The following COL24A1 variants were observed in gnomAD, a reference collection of about 807,000 sequenced individuals.
COL24A1 encodes collagen alpha-1(XXIV) chain.
Under a neutral mutation model 253.9 loss-of-function variants are expected in COL24A1, and 224 were observed. That is an observed-to-expected ratio of 0.88 (90% CI 0.79 to 0.99). COL24A1 has a LOEUF of 0.99. COL24A1 is among the 50% of genes least tolerant of loss of function. COL24A1 has a pLI of 0.00. For synonymous variants in COL24A1, 685 were observed against 673.7 expected (o/e 1.02, Z -0.26); for missense variants, 2,131 against 2,068.5 (o/e 1.03, Z -0.59).
At chr1:85,981,707 T>A (rs993785203) in intron 20 of COL24A1, among the ~76,000 whole-genome samples, 2 of 152,096 alleles carry the variant, frequency 1.3e-5, no homozygotes, top group African/African-American at 4.8e-5. Context: ...GAGTGAAAAG[T>A]CAACCTACGT....
intron 2 of COL24A1, among the ~76,000 whole-genome samples, chr1:86,131,144 A>T (rs1649107312): frequency 6.6e-6 from 1 of 151,950 alleles, no homozygotes; most frequent in South Asian, 2.1e-4. Context: ...TTCTCCTTAC[A>T]AGTGACTCCG....
intron 24 of COL24A1, 52 bp from the exon 25 acceptor site, chr1:85,911,485 T>C (rs995742022): frequency 2.9e-6 from 4 of 1,382,878 alleles, no homozygotes; most frequent in African/African-American, 2.9e-5. Context: ...ATTGCTATTG[T>C]AGTGCCTGGG....
At chr1:86,019,673 G>A (rs934555910) in intron 18 of COL24A1, among the ~76,000 whole-genome samples, 25 of 151,358 alleles carry the variant, frequency 1.7e-4, no homozygotes, top group African/African-American at 3.6e-4. Context: ...TCTTATCTTC[G>A]GCCCAAAGTA....
At chr1:85,940,122 G>GATATATTC (rs1571301581) in intron 24 of COL24A1, among the ~76,000 whole-genome samples, 1 of 88,150 alleles carries the variant, frequency 1.1e-5, no homozygotes, top group African/African-American at 3.6e-5. Context: ...AGTGCCATAA[G>GATATATTC]GGCCGGGCGC....
At chr1:86,027,517 T>G (rs2101444719) in intron 14 of COL24A1, among the ~76,000 whole-genome samples, 1 of 152,302 alleles carries the variant, frequency 6.6e-6, no homozygotes, top group East Asian at 1.9e-4. Flanking sequence ...CCCCAAGCCT[T>G]GGCTACTTAC....
rs116732808 is a variant in COL24A1, at chr1:86,135,805, C to T, written c.122-9591G>A. On this transcript the variant is annotated intron_variant, in intron 2 of 59. Transcript: ENST00000370571. ...AGAATATTTGTCAGTTTAACAGCAA[C>T]ATTTTTTTGTGTGTACATTCTCATT... Among the ~76,000 whole-genome samples, 614 of 148,016 alleles carry T rather than the reference C, an allele frequency of 4.1e-3. 6 individuals are homozygous for T. The highest frequency in any genetic ancestry group is 0.014 in the African/African-American group (567 of 40,572).
chr1:85,865,802 A>G (rs1679725476), intron 37 of COL24A1, among the ~76,000 whole-genome samples: 1 of 152,026 alleles, frequency 6.6e-6, no homozygotes, highest in African/African-American at 2.4e-5. Flanking sequence ...AGATAATCAC[A>G]CTTTCTTGGC....
intron 37 of COL24A1, among the ~76,000 whole-genome samples, chr1:85,851,007 A>G (rs1677706239): frequency 7.5e-6 from 1 of 133,164 alleles, no homozygotes; most frequent in Admixed American, 7.6e-5. Context: ...GTGTGTATAT[A>G]TATATATATA....
At chr1:85,947,659 T>C (rs1689459167) in intron 24 of COL24A1, among the ~76,000 whole-genome samples, 2 of 152,124 alleles carry the variant, frequency 1.3e-5, no homozygotes, top group African/African-American at 2.4e-5. Flanking sequence ...AAAAAATCAG[T>C]GTAACTGATT....
intron 55 of COL24A1, among the ~76,000 whole-genome samples, chr1:85,756,184 C>A (rs1666238894): frequency 6.6e-6 from 1 of 151,874 alleles, no homozygotes; most frequent in East Asian, 1.9e-4. Context: ...CTTTGGGAGG[C>A]CGAGGTAGGC....
At chr1:86,099,559 A>C (rs1156306851) in intron 5 of COL24A1, among the ~76,000 whole-genome samples, 1 of 152,216 alleles carries the variant, frequency 6.6e-6, no homozygotes, top group African/African-American at 2.4e-5. Context: ...AGCAGATAGG[A>C]GGTCCCATAA....
intron 4 of COL24A1, 82 bp downstream of exon 4, chr1:86,115,243 A>G (rs1706025212): frequency 7.1e-7 from 1 of 1,400,780 alleles, no homozygotes. Context: ...CAAAGGAAGT[A>G]CATACTGTAC....
intron 24 of COL24A1, among the ~76,000 whole-genome samples, chr1:85,920,615 G>A (rs1449899712): frequency 6.6e-6 from 1 of 152,054 alleles, no homozygotes; most frequent in East Asian, 1.9e-4. Flanking sequence ...TGTTTAATGT[G>A]TAGAAATGGG....
chr1:85,925,700 G>C (rs1401621971), intron 24 of COL24A1, among the ~76,000 whole-genome samples: 1 of 152,080 alleles, frequency 6.6e-6, no homozygotes. Context: ...CTAAATGTTA[G>C]ACTTAAAACC....
chr1:86,072,500 T>C (rs1051306975), intron 7 of COL24A1, among the ~76,000 whole-genome samples: 2 of 152,054 alleles, frequency 1.3e-5, no homozygotes, highest in African/African-American at 4.8e-5. Context: ...GTCAGGGACT[T>C]ATAGATAAAA....
intron 43 of COL24A1, among the ~76,000 whole-genome samples, chr1:85,830,798 A>C (rs1675151138): frequency 6.6e-6 from 1 of 152,034 alleles, no homozygotes; most frequent in South Asian, 2.1e-4. Context: ...CAGTGCGTGC[A>C]CCCACTGACC....
At position 85,949,634 on chromosome 1, in the gene COL24A1, C is replaced by G. The variant is rs12091161; in HGVS notation, c.2562+11615G>C. On this transcript the variant is annotated intron_variant, in intron 24 of 59. Transcript: ENST00000370571. ...TTATAACTTTCCCCTTCATTGCTGC[C>G]CAAGTTGAAGCATTTCGCTGTCATT... 1.2e-3 allele frequency among the ~76,000 whole-genome samples: 180 copies of G among 152,068 alleles called. 1 individual carries two copies. Among genetic ancestry groups the G allele is most frequent in the African/African-American group, 4.1e-3 (171 of 41,480 alleles).
Position 85,783,507 on chromosome 1 carries a change from T to C in COL24A1, c.4273A>G (p.Ile1425Val), listed in dbSNP as rs1019894895. The C allele has an allele frequency of 4.3e-6, 7 of 1,613,212 alleles. No homozygotes were observed. The Admixed American group carries it at 6.7e-5, about 15-fold the overall frequency. The change falls in exon 51 of 60, where the codon ATT (isoleucine) becomes GTT (valine). Residue 1425 changes from isoleucine to valine, a missense_variant. Ile to Val is a conservative substitution (Grantham distance 29). Transcript: ENST00000370571. ...IVGISGPKGPIGHRGNTGPLG... is the reference protein window; with the variant it reads ...IVGISGPKGPVGHRGNTGPLG... ...GACTTTACACTTACTCTGTGTCCAATAGGACCTTTAGGACCTGATATCCCA... is the reference window on the plus strand; with the variant it reads ...GACTTTACACTTACTCTGTGTCCAACAGGACCTTTAGGACCTGATATCCCA...
chr1:86,145,785 C>A (rs1651793155), intron 2 of COL24A1, among the ~76,000 whole-genome samples: 1 of 151,928 alleles, frequency 6.6e-6, no homozygotes, highest in Non-Finnish European at 1.5e-5. Context: ...TCAAGAAGTG[C>A]AAAGGTAATT....
Sources: allele counts gnomAD v4.1 joint callset (sites outside exome capture counted in the v4.1 genomes callset), GRCh38; gene constraint gnomAD v4.1.1; transcripts MANE v1.5; gene names NCBI Gene and HGNC (gene_info 2026-07-23, HGNC 2026-07-21).